Variants in ZBTB21 observed in about 807,000 individuals in gnomAD.
ZBTB21 encodes the protein zinc finger and BTB domain containing 21.
A neutral mutation model predicts 39.8 loss-of-function variants in ZBTB21; 10 were observed. The observed-to-expected ratio is 0.25, with a 90% confidence interval of 0.16 to 0.43. ZBTB21 has a LOEUF of 0.43. Ranked by LOEUF, ZBTB21 falls within the 20% of genes least tolerant of loss-of-function variation. ZBTB21 has a pLI of 1.00. For missense variants in ZBTB21, 1,221 were observed against 1,296.3 expected, an observed-to-expected ratio of 0.94 and a Z score of 0.89; for synonymous variants, 551 against 498.8, an observed-to-expected ratio of 1.10 and a Z score of -1.40.
chr21:41,995,776 T>A (rs1361462427), intron 2 of ZBTB21, among the ~76,000 whole-genome samples: 1 of 152,194 alleles, frequency 6.6e-6, no homozygotes, highest in East Asian at 1.9e-4. Context: ...AATGGTTTTG[T>A]GGGCCAGGCC....
chr21:42,000,381 T>C (rs1461861056), intron 2 of ZBTB21, among the ~76,000 whole-genome samples: 1 of 152,188 alleles, frequency 6.6e-6, no homozygotes, highest in Non-Finnish European at 1.5e-5. Flanking sequence ...TCTGAATCCT[T>C]GTCTTGGGGT....
At position 41,987,820 on chromosome 21, in the gene ZBTB21, G is replaced by C. The variant is rs144830955; in HGVS notation, c.*3075C>G. ...CCCTGATCAGAGAGTTGGCCTTGTA[G>C]GTGCATCCACACCGCACCTCCGTGA... On this transcript the variant is annotated 3_prime_UTR_variant, in exon 3 of 3. Coordinates refer to ENST00000310826, the MANE Select transcript of ZBTB21 (RefSeq NM_001098402.2). 3.9e-5 allele frequency: 6 copies of C among 152,274 alleles called. No homozygotes were observed. In the East Asian group the frequency reaches 1.2e-3, roughly 29 times the overall value. The allele number at this position is 152,274 out of a possible 1,614,324, so 9.4% of individuals were successfully genotyped here. A position where few individuals can be genotyped will look rare whatever the true frequency, so the allele number is the denominator to read the frequency against.
rs1047571681 is a variant in ZBTB21, at chr21:41,992,341, G to A, written c.1755C>T (p.His585=). 3.7e-6 allele frequency: 6 copies of A among 1,614,122 alleles called. No homozygotes were observed. In the East Asian group the frequency reaches 6.7e-5, roughly 18 times the overall value. The change falls in exon 3 of 3, where the codon CAC becomes CAT. Residue 585 remains histidine, a synonymous_variant. Coordinates refer to ENST00000310826, the MANE Select transcript of ZBTB21 (RefSeq NM_001098402.2). The surrounding 1 kb of genome is among the most constrained non-coding windows in gnomAD (Gnocchi z 4.1). ...AGTGTGTCCACACTTTGAAGTTGGT[G>A]TGAAACCTCTTGTGACAGATGTCAC... The part of the protein sequence containing the change: ...YACDICHKRF[H]TNFKVWTHCQ...
At chr21:41,998,336 C>T (rs571474343) in intron 2 of ZBTB21, among the ~76,000 whole-genome samples, 17 of 152,008 alleles carry the variant, frequency 1.1e-4, no homozygotes, top group South Asian at 4.1e-4. Flanking sequence ...GGATTACAGG[C>T]GTGCACCACC....
chr21:42,004,806 T>C (rs186436359), intron 1 of ZBTB21, among the ~76,000 whole-genome samples: 2 of 152,272 alleles, frequency 1.3e-5, no homozygotes, highest in African/African-American at 4.8e-5. Flanking sequence ...ACATTTGACT[T>C]TGGAACATAA....
At position 42,005,839 on chromosome 21, in the gene ZBTB21, TAAATC is replaced by T. The variant is rs2065872314; in HGVS notation, c.-78-2883_-78-2879del. 2.0e-5 allele frequency among the ~76,000 whole-genome samples: 3 copies of T among 152,338 alleles called. No homozygotes were observed. In the South Asian group the frequency reaches 6.2e-4, roughly 32 times the overall value. On this transcript the variant is annotated intron_variant, in intron 1 of 2. Coordinates refer to ENST00000310826, the MANE Select transcript of ZBTB21 (RefSeq NM_001098402.2). ...ACAAGACCCCCACTTTCTAGTGAGA[TAAATC>T]AGATGCTAAGGAAACAAATAAAAAA...
At chr21:41,998,744 G>C (rs992527181) in intron 2 of ZBTB21, among the ~76,000 whole-genome samples, 1 of 151,880 alleles carries the variant, frequency 6.6e-6, no homozygotes, top group African/African-American at 2.4e-5. Context: ...GGCCACACAC[G>C]GTATACAATT....
At chr21:42,007,173 C>T (rs2065888377) in intron 1 of ZBTB21, among the ~76,000 whole-genome samples, 1 of 152,206 alleles carries the variant, frequency 6.6e-6, no homozygotes, top group South Asian at 2.1e-4. Flanking sequence ...GACTGATAAT[C>T]TATTTAATAT....
At chr21:42,000,219 G>A (rs972293389) in intron 2 of ZBTB21, among the ~76,000 whole-genome samples, 1 of 152,194 alleles carries the variant, frequency 6.6e-6, no homozygotes, top group Non-Finnish European at 1.5e-5. Context: ...AAAACCAGGA[G>A]TTCAGATTTT....
At chr21:41,996,849 GAATA>G (rs1455276131) in intron 2 of ZBTB21, among the ~76,000 whole-genome samples, 36 of 152,178 alleles carry the variant, frequency 2.4e-4, no homozygotes, top group Admixed American at 2.4e-3. Flanking sequence ...TTGTGATAGT[GAATA>G]AATCTCAGGA....
chr21:42,010,300 G>A lies in ZBTB21; in HGVS notation c.-127C>T. On this transcript the variant is annotated 5_prime_UTR_variant, in exon 1 of 3. It introduces an in-frame stop codon into an upstream open reading frame of the 5' UTR. Coordinates refer to ENST00000310826, the MANE Select transcript of ZBTB21 (RefSeq NM_001098402.2). ...GCCGGGCCCCTTTCCGCTCACACTCGGCTCGCGCGCGCCGCAGCCGCCGCT... is the reference window on the plus strand; with the variant it reads ...GCCGGGCCCCTTTCCGCTCACACTCAGCTCGCGCGCGCCGCAGCCGCCGCT... 1 of 398,538 alleles carries A rather than the reference G, an allele frequency of 2.5e-6. No homozygotes were observed. The highest frequency in any genetic ancestry group is 3.6e-5 in the East Asian group (1 of 28,058). The allele number at this position is 398,538 out of a possible 1,614,324, so 24.7% of individuals were successfully genotyped here.
At chr21:41,995,667 G>A (rs549479773) in intron 2 of ZBTB21, among the ~76,000 whole-genome samples, 21 of 152,344 alleles carry the variant, frequency 1.4e-4, no homozygotes, top group Admixed American at 5.9e-4. Flanking sequence ...AGGAGGAGCC[G>A]AATGTTAGTC....
Position 41,991,416 on chromosome 21 carries a change from T to C in ZBTB21, c.2680A>G (p.Ser894Gly). 1 of 1,611,578 alleles carries C rather than the reference T, an allele frequency of 6.2e-7. No individual in the cohort carries two copies. Among genetic ancestry groups the C allele is most frequent in the South Asian group, 1.1e-5 (1 of 90,822 alleles). The change falls in exon 3 of 3, where the codon AGC (serine) becomes GGC (glycine). Residue 894 changes from serine (S) to glycine (G), a missense_variant. Physicochemically the swap from Ser to Gly is moderately conservative, Grantham distance 56. This residue lies in a region of ZBTB21 where 523 missense variants were observed against 542.5 expected (regional missense o/e 0.96). Coordinates refer to ENST00000310826, the MANE Select transcript of ZBTB21 (RefSeq NM_001098402.2). The surrounding 1 kb of genome is among the most constrained non-coding windows in gnomAD (Gnocchi z 4.9). ...GGACCCGCTTCTTTGGGGGCTGTGCTGGCCTCGGGTGCCTCTTCTTCAGCC... is the reference window on the plus strand; with the variant it reads ...GGACCCGCTTCTTTGGGGGCTGTGCCGGCCTCGGGTGCCTCTTCTTCAGCC... ...EEAEEEAPEASTAPKEAGPSK... is the reference protein window; with the variant it reads ...EEAEEEAPEAGTAPKEAGPSK...
chr21:41,991,762 G>A lies in ZBTB21; in HGVS notation c.2334C>T (p.Leu778=), dbSNP rs1184475919. 3.7e-6 allele frequency: 6 copies of A among 1,614,220 alleles called. No individual in the cohort carries two copies. The highest frequency in any genetic ancestry group is 2.2e-5 in the South Asian group (2 of 91,082). Residue 778 remains leucine, a synonymous_variant, in exon 3 of 3, where the codon CTC becomes CTT. Coordinates refer to ENST00000310826, the MANE Select transcript of ZBTB21 (RefSeq NM_001098402.2). This position sits in a 1 kb window ranked among gnomAD's most constrained non-coding sequence, Gnocchi z 4.9. The stretch of plus-strand genomic sequence containing the variant: ...AGGACTTGAAGGTGCGCATGCACTC[G>A]AGGCAGGTCAGCTTCTTATACTCAC... ...SKCEYKKLTC[L]ECMRTFKSSF...
chr21:41,994,558 T>G (rs2065720503), intron 2 of ZBTB21, among the ~76,000 whole-genome samples: 1 of 152,206 alleles, frequency 6.6e-6, no homozygotes, highest in Non-Finnish European at 1.5e-5. Flanking sequence ...AAACATAATG[T>G]GAACTGTTAA....
At chr21:42,007,654 T>C (rs1032466595) in intron 1 of ZBTB21, among the ~76,000 whole-genome samples, 1 of 152,196 alleles carries the variant, frequency 6.6e-6, no homozygotes, top group Admixed American at 6.5e-5. Flanking sequence ...CCACAACTTC[T>C]TCAATTAATC....
Position 41,991,575 on chromosome 21 carries a change from T to G in ZBTB21, c.2521A>C (p.Thr841Pro). ...TCACTGAACACGTTGTCGTCTTTTG[T>G]GGTGACGATGTGGTTTACTTTGTTG... ...EPNKVNHIVT[T>P]KDDNVFSDSS... Residue 841 changes from threonine (T) to proline (P), a missense_variant, in exon 3 of 3, where the codon ACA becomes CCA. Coordinates refer to ENST00000310826, the MANE Select transcript of ZBTB21 (RefSeq NM_001098402.2). The surrounding 1 kb of genome is among the most constrained non-coding windows in gnomAD (Gnocchi z 4.9). 4.3e-6 allele frequency: 7 copies of G among 1,614,228 alleles called. No homozygotes were observed. The highest frequency in any genetic ancestry group is 5.9e-6 in the Non-Finnish European group (7 of 1,180,040).
Position 41,991,113 on chromosome 21 carries a change from T to G in ZBTB21, c.2983A>C (p.Lys995Gln), listed in dbSNP as rs764523483. Reference sequence around the variant, plus strand: ...CTGTCAGGCTCCAGAGGCTGGATCTTGGGCAGTGGTGGTGGCGGTGGCAGA... The same window carrying G: ...CTGTCAGGCTCCAGAGGCTGGATCTGGGGCAGTGGTGGTGGCGGTGGCAGA... ...PPLPPPPPLP[K>Q]IQPLEPDSPT... Residue 995 changes from lysine (K) to glutamine (Q), a missense_variant, in exon 3 of 3, where the codon AAG (lysine) becomes CAG (glutamine). Coordinates refer to ENST00000310826, the MANE Select transcript of ZBTB21 (RefSeq NM_001098402.2). The surrounding 1 kb of genome is among the most constrained non-coding windows in gnomAD (Gnocchi z 4.9). 1.2e-5 allele frequency: 20 copies of G among 1,613,284 alleles called. No homozygotes were observed. The highest frequency in any genetic ancestry group is 3.3e-5 in the Admixed American group (2 of 59,948).
Position 41,992,904 on chromosome 21 carries a change from T to C in ZBTB21, c.1192A>G (p.Arg398Gly), listed in dbSNP as rs1366358306. The C allele has an allele frequency of 6.2e-7, 1 of 1,614,268 alleles. No homozygotes were observed. Among genetic ancestry groups the C allele is most frequent in the South Asian group, 1.1e-5 (1 of 91,088 alleles). Residue 398 changes from arginine to glycine, a missense_variant, in exon 3 of 3, where the codon AGG becomes GGG. Arg to Gly is a moderately radical substitution (Grantham distance 125). Coordinates refer to ENST00000310826, the MANE Select transcript of ZBTB21 (RefSeq NM_001098402.2). This position sits in a 1 kb window ranked among gnomAD's most constrained non-coding sequence, Gnocchi z 4.1. Reference protein sequence around the residue: ...DCSEKTALDDRPQVLQPHRLR... With the variant: ...DCSEKTALDDGPQVLQPHRLR... ...CGATGCGGTTGTAGCACTTGAGGCC[T>C]GTCATCTAGGGCTGTTTTTTCACTA...
Sources: allele counts gnomAD v4.1 joint callset (sites outside exome capture counted in the v4.1 genomes callset), GRCh38; gene constraint gnomAD v4.1.1; regional missense constraint gnomAD v4.1.1; non-coding constraint Gnocchi (gnomAD v3.1); transcripts MANE v1.5; gene names NCBI Gene and HGNC (gene_info 2026-07-23, HGNC 2026-07-21).